The following CCDC3 variants were observed in gnomAD, a reference collection of about 807,000 sequenced individuals.
The protein encoded by CCDC3 is coiled-coil domain containing 3.
CCDC3 carries 24 observed loss-of-function variants against 21.4 expected under a neutral mutation model. That is an observed-to-expected ratio of 1.12 (90% CI 0.81 to 1.58). CCDC3 has a LOEUF of 1.58. CCDC3 is among the 40% of genes most tolerant of loss of function. The pLI, the probability that CCDC3 is intolerant of heterozygous loss-of-function variation, is 0.00. For missense variants in CCDC3, 425 were observed against 360.9 expected, an observed-to-expected ratio of 1.18 and a Z score of -1.44; for synonymous variants, 186 against 166.0, an observed-to-expected ratio of 1.12 and a Z score of -0.93.
At chr10:13,044,404 T>G (rs1836498373) in intron 5 of CCDC3, among the ~76,000 whole-genome samples, 1 of 152,224 alleles carries the variant, frequency 6.6e-6, no homozygotes, top group Non-Finnish European at 1.5e-5. Context: ...TTTTGAGGAC[T>G]TTGTCATAAA....
At chr10:12,927,393 T>C (rs922788112) in intron 2 of CCDC3, among the ~76,000 whole-genome samples, 3 of 152,332 alleles carry the variant, frequency 2.0e-5, no homozygotes, top group African/African-American at 7.2e-5. Flanking sequence ...AATTGCTCAA[T>C]ACTAGCTAAT....
chr10:13,036,129 C>A (rs1252208783), intron 5 of CCDC3, among the ~76,000 whole-genome samples: 1 of 151,682 alleles, frequency 6.6e-6, no homozygotes, highest in Non-Finnish European at 1.5e-5. Flanking sequence ...GGTGACAGAG[C>A]AAGACTCTGT....
At chr10:13,014,478 AAAAG>A (rs1279811087) in intron 5 of CCDC3, among the ~76,000 whole-genome samples, 3 of 150,910 alleles carry the variant, frequency 2.0e-5, no homozygotes, top group Non-Finnish European at 1.5e-5. Context: ...AAAGAAAAAA[AAAAG>A]AAAAGAAAGA....
chr10:12,945,451 G>A (rs1205268583), intron 2 of CCDC3, among the ~76,000 whole-genome samples: 1 of 152,020 alleles, frequency 6.6e-6, no homozygotes, highest in African/African-American at 2.4e-5. Flanking sequence ...TAAGAAAACT[G>A]TAGGATGCTT....
At chr10:12,957,301 C>A (rs914571851) in intron 2 of CCDC3, among the ~76,000 whole-genome samples, 1 of 152,148 alleles carries the variant, frequency 6.6e-6, no homozygotes, top group Non-Finnish European at 1.5e-5. Flanking sequence ...GGTTCGGGGC[C>A]GAGCTTAGCT....
At chr10:12,985,113 T>A (rs58875215) in intron 2 of CCDC3, among the ~76,000 whole-genome samples, 2,352 of 152,346 alleles carry the variant, frequency 0.015, 64 homozygotes, top group African/African-American at 0.053. Flanking sequence ...AGATTTTTTT[T>A]AAATTATGGT....
At chr10:12,948,728 G>GTTTTTTTTTT (rs72323989) in intron 2 of CCDC3, among the ~76,000 whole-genome samples, 6 of 91,082 alleles carry the variant, frequency 6.6e-5, no homozygotes, top group African/African-American at 8.5e-5. Flanking sequence ...TTTTAAGGCA[G>GTTTTTTTTTT]TTTTTTTTTT....
intron 2 of CCDC3, among the ~76,000 whole-genome samples, chr10:12,988,554 A>G (rs1161981423): frequency 6.6e-6 from 1 of 152,032 alleles, no homozygotes; most frequent in Non-Finnish European, 1.5e-5. Context: ...ATGTTGGCTA[A>G]GCTGGTCTTG....
chr10:12,934,355 TTATGACCCAGAA>T (rs1197033099), intron 2 of CCDC3, among the ~76,000 whole-genome samples: 1 of 152,212 alleles, frequency 6.6e-6, no homozygotes, highest in Non-Finnish European at 1.5e-5. Flanking sequence ...AAGGTATGTT[TTATGACCCAGAA>T]TGTGATCTAT....
chr10:12,957,721 G>C (rs35583169), intron 2 of CCDC3, among the ~76,000 whole-genome samples: 78,318 of 152,086 alleles, frequency 0.51, 22,770 homozygotes, highest in Non-Finnish European at 0.65. Flanking sequence ...TGAGCCTGCT[G>C]CCCTTTACTT....
chr10:13,040,927 A>T, intron 5 of CCDC3, among the ~76,000 whole-genome samples: 1 of 152,042 alleles, frequency 6.6e-6, no homozygotes, highest in Non-Finnish European at 1.5e-5. Flanking sequence ...TCACCTATAG[A>T]TTTACTCTTT....
At chr10:12,958,388 A>G (rs1835127343) in intron 2 of CCDC3, among the ~76,000 whole-genome samples, 1 of 152,144 alleles carries the variant, frequency 6.6e-6, no homozygotes, top group Non-Finnish European at 1.5e-5. Flanking sequence ...AGACGACCTG[A>G]GCCACAAATG....
At chr10:13,053,087 G>A (rs1464630656) in intron 4 of CCDC3, among the ~76,000 whole-genome samples, 1 of 152,170 alleles carries the variant, frequency 6.6e-6, no homozygotes, top group East Asian at 1.9e-4. Context: ...AAAAGCAAGA[G>A]GTGGGGTCAG....
intron 2 of CCDC3, among the ~76,000 whole-genome samples, chr10:12,951,338 A>C (rs1490590948): frequency 6.6e-6 from 1 of 152,188 alleles, no homozygotes; most frequent in Non-Finnish European, 1.5e-5. Flanking sequence ...CCTGGGTGAC[A>C]AAGTGAGACT....
At chr10:13,036,012 T>C (rs1011260342) in intron 5 of CCDC3, among the ~76,000 whole-genome samples, 12 of 152,066 alleles carry the variant, frequency 7.9e-5, no homozygotes, top group African/African-American at 2.9e-4. Context: ...GGTGTGGTGA[T>C]ATGCACCTGC....
At position 12,963,862 on chromosome 10, in the gene CCDC3, C is replaced by T. The variant is rs145052812; in HGVS notation, c.549+34476G>A. On this transcript the variant is annotated intron_variant, in intron 2 of 2. Transcript: ENST00000378825. Reference sequence around the variant, plus strand: ...CCTCCCAAAGTGCTGGGATTACTGGCGTGAGCCACCAAGCCTGGCCTGAAC... The same window carrying T: ...CCTCCCAAAGTGCTGGGATTACTGGTGTGAGCCACCAAGCCTGGCCTGAAC... 4.6e-3 allele frequency among the ~76,000 whole-genome samples: 705 copies of T among 152,246 alleles called. 10 individuals are homozygous for T. The highest frequency in any genetic ancestry group is 0.024 in the South Asian group (118 of 4,820).
chr10:12,912,666 C>T (rs1184220252), intron 2 of CCDC3, among the ~76,000 whole-genome samples: 2 of 152,076 alleles, frequency 1.3e-5, no homozygotes, highest in Admixed American at 1.3e-4. Context: ...GCTTTTGTGG[C>T]CATACCCAAA....
At chr10:12,932,340 T>C (rs1834659093) in intron 2 of CCDC3, among the ~76,000 whole-genome samples, 1 of 152,216 alleles carries the variant, frequency 6.6e-6, no homozygotes, top group South Asian at 2.1e-4. Context: ...TCAGAACACT[T>C]ACACTGGTCT....
At chr10:13,058,388 G>T in intron 4 of CCDC3, 1 of 942,246 alleles carries the variant, frequency 1.1e-6, no homozygotes, top group Non-Finnish European at 1.7e-6. Flanking sequence ...ACAATACGCT[G>T]CAGCGTAATT....
Sources: gnomAD v4.1 joint callset for allele counts (sites outside exome capture counted in the v4.1 genomes callset) on GRCh38, gnomAD v4.1.1 for gene constraint, MANE v1.5 for transcripts, NCBI Gene and HGNC (gene_info 2026-07-23, HGNC 2026-07-21) for gene names.